TAF3: variants seen among roughly 807,000 people sequenced by gnomAD.
TAF3 encodes transcription initiation factor TFIID subunit 3.
In TAF3, 7 loss-of-function variants were observed where a neutral mutation model predicts 80.6. The ratio of observed to expected loss-of-function variants is 0.09; its 90% CI spans 0.05 to 0.16. The LOEUF is 0.16. TAF3 is among the 10% of genes least tolerant of loss of function. The pLI is 1.00. For missense variants in TAF3, 921 were observed against 1,140.2 expected, an observed-to-expected ratio of 0.81 and a Z score of 2.77; for synonymous variants, 444 against 446.1, an observed-to-expected ratio of 1.00 and a Z score of 0.06.
chr10:7,934,778 T>A (rs962642799), intron 2 of TAF3, among the ~76,000 whole-genome samples: 10 of 152,242 alleles, frequency 6.6e-5, no homozygotes, highest in African/African-American at 1.9e-4. Context: ...TACTATGATA[T>A]AGAGCAGTAA....
chr10:7,885,096 T>C (rs1194642808), intron 2 of TAF3, among the ~76,000 whole-genome samples: 1 of 152,032 alleles, frequency 6.6e-6, no homozygotes, highest in East Asian at 1.9e-4. Context: ...TGGGGAGTAA[T>C]TGCTTAGTGG....
intron 2 of TAF3, among the ~76,000 whole-genome samples, chr10:7,855,805 G>A (rs970012703): frequency 2.0e-5 from 3 of 152,078 alleles, no homozygotes; most frequent in African/African-American, 7.2e-5. Flanking sequence ...CTTTACACTG[G>A]GCGTGGTGGC....
chr10:7,824,361 C>T lies in TAF3; in HGVS notation c.210C>T (p.Phe70=), dbSNP rs1836720800. 1 of 1,614,030 alleles carries T rather than the reference C, an allele frequency of 6.2e-7. No homozygotes were observed. The highest frequency in any genetic ancestry group is 8.5e-7 in the Non-Finnish European group (1 of 1,179,968). Residue 70 remains phenylalanine, a synonymous_variant, in exon 2 of 7, where the codon TTC becomes TTT. Coordinates refer to ENST00000344293, the MANE Select transcript of TAF3 (RefSeq NM_031923.4). ...DPILDDVGEA[F]QLMGVSLHEL... ...TTTTGGATGATGTTGGTGAAGCTTTCCAGCTGATGGGGGTTAGTCTACATG... is the reference window on the plus strand; with the variant it reads ...TTTTGGATGATGTTGGTGAAGCTTTTCAGCTGATGGGGGTTAGTCTACATG...
intron 2 of TAF3, among the ~76,000 whole-genome samples, chr10:7,919,710 T>C (rs1044582323): frequency 6.6e-6 from 1 of 152,182 alleles, no homozygotes; most frequent in Admixed American, 6.5e-5. Context: ...TAACAGCTAA[T>C]ACAGTATAAA....
intron 2 of TAF3, among the ~76,000 whole-genome samples, chr10:7,858,110 G>C (rs1041509106): frequency 3.3e-5 from 5 of 151,944 alleles, no homozygotes; most frequent in African/African-American, 9.7e-5. Context: ...AAATCATATT[G>C]CTTCCTCTTA....
At chr10:7,903,979 G>A (rs1010717753) in intron 2 of TAF3, among the ~76,000 whole-genome samples, 18 of 152,196 alleles carry the variant, frequency 1.2e-4, no homozygotes, top group African/African-American at 4.3e-4. Context: ...ACAGAGAGCA[G>A]ATCTGGGTCA....
At chr10:7,929,293 T>C (rs1041778356) in intron 2 of TAF3, among the ~76,000 whole-genome samples, 3 of 152,070 alleles carry the variant, frequency 2.0e-5, no homozygotes, top group African/African-American at 7.2e-5. Context: ...TAAAATCTAT[T>C]AATAGACTAC....
At chr10:7,950,893 G>A (rs1377337497) in intron 2 of TAF3, among the ~76,000 whole-genome samples, 1 of 152,214 alleles carries the variant, frequency 6.6e-6, no homozygotes, top group Non-Finnish European at 1.5e-5. Context: ...GTCCTGTCTA[G>A]TGGTCCCAGT....
intron 2 of TAF3, among the ~76,000 whole-genome samples, chr10:7,825,317 C>T (rs1458803797): frequency 6.6e-6 from 1 of 152,192 alleles, no homozygotes; most frequent in East Asian, 1.9e-4. Context: ...CCAGCAATTA[C>T]TTTTACTTAT....
intron 2 of TAF3, among the ~76,000 whole-genome samples, chr10:7,859,001 G>A (rs1837114671): frequency 6.6e-6 from 1 of 152,108 alleles, no homozygotes; most frequent in Admixed American, 6.5e-5. Context: ...GGTGGCTCAC[G>A]CCTGTAATCC....
chr10:7,875,028 A>G (rs1837301360), intron 2 of TAF3, among the ~76,000 whole-genome samples: 1 of 152,100 alleles, frequency 6.6e-6, no homozygotes, highest in Non-Finnish European at 1.5e-5. Flanking sequence ...ACTCAATTAT[A>G]GATAGCAGTT....
chr10:7,955,085 A>G lies in TAF3; in HGVS notation c.410-8835A>G, dbSNP rs185455058. The stretch of plus-strand genomic sequence containing the variant: ...CTCCATATGTGAATGAATGAATTTT[A>G]GTGGCATTGAGTCACTTCAAGGAAC... On this transcript the variant is annotated intron_variant, in intron 2 of 6. Transcript: ENST00000344293. Among the ~76,000 whole-genome samples the G allele has an allele frequency of 7.3e-3, 1,108 of 152,388 alleles. 9 individuals are homozygous for G. Among genetic ancestry groups the G allele is most frequent in the Non-Finnish European group, 0.011 (741 of 68,046 alleles).
In TAF3 at chr10:7,842,170, TTTTTTG is replaced by T. The variant is rs1564345339; in HGVS notation, c.409+17616_409+17621del. ...AATATTGTTTTTTTTTTTTGTTTTT[TTTTTTG>T]TTTTTTTTTTTTTTTGAGACAGAGT... On this transcript the variant is annotated intron_variant, in intron 2 of 6. Transcript: ENST00000344293. Among the ~76,000 whole-genome samples, 91 of 96,340 alleles carry T rather than the reference TTTTTTG, an allele frequency of 9.4e-4. 1 individual carries two copies. Among genetic ancestry groups the T allele is most frequent in the African/African-American group, 2.4e-3 (62 of 25,660 alleles). The allele number at this position is 96,340 out of a possible 152,430, so 63.2% of individuals were successfully genotyped here. A position where few individuals can be genotyped will look rare whatever the true frequency, so the allele number is the denominator to read the frequency against.
chr10:7,956,943 T>G (rs1021853024), intron 2 of TAF3, among the ~76,000 whole-genome samples: 14 of 152,210 alleles, frequency 9.2e-5, no homozygotes, highest in African/African-American at 1.9e-4. Flanking sequence ...TTAATTTTTT[T>G]TTGTTGTTAG....
intron 2 of TAF3, among the ~76,000 whole-genome samples, chr10:7,942,883 A>G (rs993953006): frequency 1.3e-5 from 2 of 152,266 alleles, no homozygotes; most frequent in Non-Finnish European, 2.9e-5. Context: ...CACATACACA[A>G]AAATCACATT....
At position 7,863,626 on chromosome 10, in the gene TAF3, A is replaced by AAAAATAT. The variant is rs1218836662; in HGVS notation, c.409+39067_409+39068insAAATATA. Among the ~76,000 whole-genome samples, 14 of 48,096 alleles carry AAAAATAT rather than the reference A, an allele frequency of 2.9e-4. 1 individual carries two copies. The highest frequency in any genetic ancestry group is 1.0e-3 in the East Asian group (1 of 972). 31.6% of individuals were successfully genotyped at this position (48,096 alleles called of 152,430 possible). A position where few individuals can be genotyped will look rare whatever the true frequency, so the allele number is the denominator to read the frequency against. On this transcript the variant is annotated intron_variant, in intron 2 of 6. Coordinates refer to ENST00000344293, the MANE Select transcript of TAF3 (RefSeq NM_031923.4). ...CTCTGTCTAAAAAAAAAAAAAAAAA[A>AAAAATAT]ATATATATATATATATATATACACA...
At position 8,016,413 on chromosome 10, in the gene TAF3, G is replaced by T. The variant is rs997262430; in HGVS notation, c.*1662G>T. On this transcript the variant is annotated 3_prime_UTR_variant, in exon 7 of 7. Coordinates refer to ENST00000344293, the MANE Select transcript of TAF3 (RefSeq NM_031923.4). ...GGAGTCGACCTCTTCGGAGCACAGG[G>T]TGTCATTGCCCTCGTTGTTCAAGAG... is the stretch of plus-strand genomic sequence containing the variant. 6.6e-5 allele frequency: 10 copies of T among 152,140 alleles called. No homozygotes were observed. Among genetic ancestry groups the T allele is most frequent in the Non-Finnish European group, 1.3e-4 (9 of 68,028 alleles). 9.4% of individuals were successfully genotyped at this position (152,140 alleles called of 1,614,324 possible). A position where few individuals can be genotyped will look rare whatever the true frequency, so the allele number is the denominator to read the frequency against.
chr10:7,841,207 G>C (rs537058648), intron 2 of TAF3, among the ~76,000 whole-genome samples: 25 of 152,270 alleles, frequency 1.6e-4, no homozygotes, highest in South Asian at 4.1e-4. Context: ...TTTTACGGTG[G>C]TTATATACTG....
intron 2 of TAF3, among the ~76,000 whole-genome samples, chr10:7,933,668 A>T (rs372894932): frequency 1.3e-5 from 2 of 152,240 alleles, no homozygotes; most frequent in East Asian, 3.8e-4. Context: ...ACATATACAC[A>T]TCAGTGCTGT....
Sources: gnomAD v4.1 joint callset for allele counts (sites outside exome capture counted in the v4.1 genomes callset) on GRCh38, gnomAD v4.1.1 for gene constraint, MANE v1.5 for transcripts, NCBI Gene and HGNC (gene_info 2026-07-23, HGNC 2026-07-21) for gene names.